The following SCAPER variants were observed in gnomAD, a reference collection of about 807,000 sequenced individuals.
SCAPER encodes S phase cyclin A-associated protein in the endoplasmic reticulum.
Under a neutral mutation model 182.2 loss-of-function variants are expected in SCAPER, and 98 were observed. That is an observed-to-expected ratio of 0.54 (90% CI 0.46 to 0.64). SCAPER has a LOEUF of 0.64. Ranked by LOEUF, SCAPER falls within the 30% of genes least tolerant of loss-of-function variation. SCAPER has a pLI of 0.00. For missense variants in SCAPER, 1,432 were observed against 1,690.0 expected (o/e 0.85, Z 2.68); for synonymous variants, 605 against 564.6 (o/e 1.07, Z -1.01).
At chr15:76,388,809 A>C (rs1439478742) in intron 27 of SCAPER, among the ~76,000 whole-genome samples, 1 of 151,132 alleles carries the variant, frequency 6.6e-6, no homozygotes, top group Non-Finnish European at 1.5e-5. Flanking sequence ...AAACACAAAA[A>C]AATTAGCTGG....
At chr15:76,864,546 T>C (rs1568366949) in intron 2 of SCAPER, among the ~76,000 whole-genome samples, 1 of 152,138 alleles carries the variant, frequency 6.6e-6, no homozygotes, top group South Asian at 2.1e-4. Context: ...TTTTACTCTT[T>C]TGGGGAATAT....
chr15:76,566,274 A>G (rs929169464), intron 23 of SCAPER, among the ~76,000 whole-genome samples: 2 of 152,176 alleles, frequency 1.3e-5, no homozygotes, highest in African/African-American at 2.4e-5. Flanking sequence ...TGAAAATACC[A>G]AAGCATGGCA....
intron 29 of SCAPER, among the ~76,000 whole-genome samples, chr15:76,363,382 T>G (rs1212669607): frequency 6.6e-6 from 1 of 152,174 alleles, no homozygotes; most frequent in Admixed American, 6.5e-5. Flanking sequence ...AACACCATCT[T>G]TCTATGTGTG....
chr15:76,725,241 C>G (rs2060511069), intron 17 of SCAPER, among the ~76,000 whole-genome samples: 1 of 151,546 alleles, frequency 6.6e-6, no homozygotes, highest in African/African-American at 2.4e-5. Flanking sequence ...ATGAGAAAAA[C>G]AGATGCAATG....
At chr15:76,700,440 A>G (rs1327728877) in intron 20 of SCAPER, among the ~76,000 whole-genome samples, 1 of 151,918 alleles carries the variant, frequency 6.6e-6, no homozygotes, top group Non-Finnish European at 1.5e-5. Flanking sequence ...AGAGTGGACC[A>G]CTCCTTGCTT....
At position 76,665,822 on chromosome 15, in the gene SCAPER, A is replaced by G. The variant is rs1233354012; in HGVS notation, c.2509-33T>C. On this transcript the variant is annotated intron_variant, in intron 20 of 31. Transcript: ENST00000563290. ...ATAAATAAATAAAATAATAATAATG[A>G]GGATGATCATTTAAATATAATATAG... The G allele has an allele frequency of 3.4e-6, 5 of 1,451,604 alleles. No individual in the cohort carries two copies. The South Asian group carries it at 7.0e-5, about 20-fold the overall frequency. 89.9% of individuals were successfully genotyped at this position (1,451,604 alleles called of 1,614,324 possible). A position where few individuals can be genotyped will look rare whatever the true frequency, so the allele number is the denominator to read the frequency against.
intron 23 of SCAPER, 117 bp downstream of exon 23, chr15:76,574,041 G>T: frequency 1.0e-6 from 1 of 974,216 alleles, no homozygotes; most frequent in Non-Finnish European, 1.3e-6. Flanking sequence ...TTATTGACTA[G>T]CTTTAAAAAA....
intron 20 of SCAPER, among the ~76,000 whole-genome samples, chr15:76,678,994 C>T (rs1022671792): frequency 1.3e-5 from 2 of 152,120 alleles, no homozygotes; most frequent in Non-Finnish European, 2.9e-5. Flanking sequence ...TAGATGATCA[C>T]TCATCCAAGA....
At chr15:76,879,103 C>T (rs2073371730) in intron 2 of SCAPER, among the ~76,000 whole-genome samples, 1 of 152,166 alleles carries the variant, frequency 6.6e-6, no homozygotes, top group African/African-American at 2.4e-5. Context: ...TCAACTTGTA[C>T]TATTCTTTTC....
chr15:76,734,696 G>A (rs549389392), intron 15 of SCAPER, among the ~76,000 whole-genome samples: 2 of 152,104 alleles, frequency 1.3e-5, no homozygotes, highest in South Asian at 4.2e-4. Context: ...CCAAGATGGT[G>A]AAACCCCGTC....
At chr15:76,611,650 T>C (rs1567596448) in intron 22 of SCAPER, among the ~76,000 whole-genome samples, 1 of 152,120 alleles carries the variant, frequency 6.6e-6, no homozygotes, top group African/African-American at 2.4e-5. Context: ...CAAACATCCA[T>C]GATGAACACT....
At chr15:76,480,960 T>C (rs2051078618) in intron 24 of SCAPER, among the ~76,000 whole-genome samples, 1 of 152,202 alleles carries the variant, frequency 6.6e-6, no homozygotes, top group Non-Finnish European at 1.5e-5. Context: ...CTCGATCTCC[T>C]GACCTTGTGA....
chr15:76,787,586 A>G (rs1246342303), intron 8 of SCAPER, among the ~76,000 whole-genome samples: 3 of 152,254 alleles, frequency 2.0e-5, no homozygotes, highest in South Asian at 4.1e-4. Context: ...TTGGCCTCCC[A>G]TAGTGCTGGG....
rs1243132090 is a variant in SCAPER at position 76,795,317 on chromosome 15, G to C, written c.735C>G (p.Cys245Trp). Residue 245 changes from cysteine to tryptophan, a missense_variant, in exon 8 of 32, where the codon TGC (cysteine) becomes TGG (tryptophan). Cys to Trp is a radical substitution (Grantham distance 215). This residue lies in a region of SCAPER where 480 missense variants were observed against 510.2 expected (regional missense o/e 0.94). Coordinates refer to ENST00000563290, the MANE Select transcript of SCAPER (RefSeq NM_020843.4). ...ASSEITPAQS[C>W]PPMTVQKASR... is the part of the protein sequence containing the mutation. The stretch of plus-strand genomic sequence containing the variant: ...AGGCCTTCTGCACTGTCATTGGTGG[G>C]CAAGACTGGGCGGGTGTTATTTCTG... The C allele has an allele frequency of 1.2e-6, 2 of 1,613,004 alleles. No homozygotes were observed. The highest frequency in any genetic ancestry group is 2.2e-5 in the South Asian group (2 of 90,962).
intron 24 of SCAPER, among the ~76,000 whole-genome samples, chr15:76,491,031 C>A (rs2052248387): frequency 2.6e-5 from 4 of 152,006 alleles, no homozygotes; most frequent in Admixed American, 2.6e-4. Flanking sequence ...AGAGCCCAGG[C>A]CTTGGTGGTC....
intron 5 of SCAPER, among the ~76,000 whole-genome samples, chr15:76,837,593 G>A (rs1056590250): frequency 2.0e-5 from 3 of 152,158 alleles, no homozygotes; most frequent in Non-Finnish European, 2.9e-5. Context: ...GGAGATTATG[G>A]GAACTACAAT....
chr15:76,565,248 T>C (rs866636482), intron 23 of SCAPER, among the ~76,000 whole-genome samples: 29 of 152,210 alleles, frequency 1.9e-4, no homozygotes, highest in Middle Eastern at 6.8e-3. Flanking sequence ...GGAGAAAACT[T>C]TTGCAAACTA....
intron 24 of SCAPER, among the ~76,000 whole-genome samples, chr15:76,489,895 ATTTGTCCTTGTGTGAATGGCT>A (rs2052112020): frequency 6.6e-6 from 1 of 152,152 alleles, no homozygotes; most frequent in South Asian, 2.1e-4. Flanking sequence ...ATCATGGAGT[ATTTGTCCTTGTGTGAATGGCT>A]TTTTTCACTC....
At chr15:76,714,970 T>C (rs1441506079) in intron 17 of SCAPER, among the ~76,000 whole-genome samples, 1 of 151,970 alleles carries the variant, frequency 6.6e-6, no homozygotes, top group Non-Finnish European at 1.5e-5. Context: ...TAAAAAGCAC[T>C]TGAAAAACTC....
Sources: gnomAD v4.1 joint callset for allele counts (sites outside exome capture counted in the v4.1 genomes callset) on GRCh38, gnomAD v4.1.1 for gene constraint, gnomAD v4.1.1 regional missense constraint, MANE v1.5 for transcripts, NCBI Gene and HGNC (gene_info 2026-07-23, HGNC 2026-07-21) for gene names.